TMEM135: variants seen among roughly 807,000 people sequenced by gnomAD.
The protein encoded by TMEM135 is peroxisomal membrane protein 52.
Under a neutral mutation model 60.3 loss-of-function variants are expected in TMEM135, and 30 were observed. That is an observed-to-expected ratio of 0.50 (90% CI 0.37 to 0.68). The LOEUF (loss-of-function observed/expected upper bound fraction) is 0.68. Ranked by LOEUF, TMEM135 falls within the 30% of genes least tolerant of loss-of-function variation. The pLI is 0.00. For synonymous variants in TMEM135, 190 were observed against 186.7 expected (o/e 1.02, Z -0.14); for missense variants, 468 against 548.8 (o/e 0.85, Z 1.47).
intron 6 of TMEM135, among the ~76,000 whole-genome samples, chr11:87,261,252 A>G (rs1218152021): frequency 6.6e-6 from 1 of 151,800 alleles, no homozygotes. Context: ...CTCAGCGCCA[A>G]CCTCCTTTAA....
At chr11:87,095,531 C>T (rs971376959) in intron 4 of TMEM135, 6 of 197,684 alleles carry the variant, frequency 3.0e-5, no homozygotes, top group Non-Finnish European at 6.6e-5. Context: ...TATATGGTAT[C>T]TGATACATTT....
rs369638331 is a variant in TMEM135 at position 87,195,391 on chromosome 11, T to TTC, written c.462+38003_462+38004dup. 9.1e-4 allele frequency among the ~76,000 whole-genome samples: 60 copies of TTC among 65,780 alleles called. 4 individuals carry two copies. The highest frequency in any genetic ancestry group is 3.4e-3 in the East Asian group (9 of 2,632). 43.2% of individuals were successfully genotyped at this position (65,780 alleles called of 152,430 possible). A position where few individuals can be genotyped will look rare whatever the true frequency, so the allele number is the denominator to read the frequency against. On this transcript the variant is annotated intron_variant, in intron 5 of 14. Coordinates refer to ENST00000305494, the MANE Select transcript of TMEM135 (RefSeq NM_022918.4). ...CTTCCTTCCTTCCTTCCTTCCTTCC[T>TTC]TCTCTCTCTCTCTCTCTCTGTTTCT... is the stretch of plus-strand genomic sequence containing the variant.
chr11:87,044,775 C>T (rs749323540), intron 1 of TMEM135, among the ~76,000 whole-genome samples: 9 of 151,838 alleles, frequency 5.9e-5, no homozygotes, highest in South Asian at 4.2e-4. Flanking sequence ...CTCAGCCTGC[C>T]GAGTAGCTGG....
At chr11:87,306,116 C>A in intron 9 of TMEM135, 111 bp downstream of exon 9, 1 of 613,364 alleles carries the variant, frequency 1.6e-6, no homozygotes, top group Non-Finnish European at 2.5e-6. Flanking sequence ...TTAATAAATG[C>A]TATCATTCTT....
intron 4 of TMEM135, among the ~76,000 whole-genome samples, chr11:87,136,270 T>C (rs1938096382): frequency 6.6e-6 from 1 of 152,074 alleles, no homozygotes; most frequent in Non-Finnish European, 1.5e-5. Context: ...TCTGTATCTA[T>C]AGAGATGAAC....
At chr11:87,145,243 C>A (rs1938381932) in intron 4 of TMEM135, among the ~76,000 whole-genome samples, 1 of 152,138 alleles carries the variant, frequency 6.6e-6, no homozygotes, top group Non-Finnish European at 1.5e-5. Context: ...TCCATGTTGT[C>A]TCAAATGACA....
At chr11:87,148,305 A>C (rs76071004) in intron 4 of TMEM135, among the ~76,000 whole-genome samples, 2,601 of 152,326 alleles carry the variant, frequency 0.017, 67 homozygotes, top group East Asian at 0.075. Flanking sequence ...GCAGAGGTCA[A>C]AAGAAAGTTG....
intron 5 of TMEM135, among the ~76,000 whole-genome samples, chr11:87,177,344 G>C (rs912978168): frequency 6.6e-6 from 1 of 152,030 alleles, no homozygotes; most frequent in Non-Finnish European, 1.5e-5. Flanking sequence ...TTCATTTCTT[G>C]TTATTTTTTC....
intron 5 of TMEM135, among the ~76,000 whole-genome samples, chr11:87,175,289 A>G (rs1259299630): frequency 1.3e-5 from 2 of 152,216 alleles, no homozygotes; most frequent in East Asian, 1.9e-4. Context: ...TTTCTGGAAT[A>G]TTTTATCCTT....
intron 5 of TMEM135, among the ~76,000 whole-genome samples, chr11:87,171,066 G>C (rs1939224096): frequency 6.6e-6 from 1 of 152,126 alleles, no homozygotes; most frequent in South Asian, 2.1e-4. Context: ...GAGGCCAAAA[G>C]GCTTTGCCAG....
chr11:87,178,468 C>G, intron 5 of TMEM135: 1 of 456,188 alleles, frequency 2.2e-6, no homozygotes, highest in Non-Finnish European at 4.4e-6. Context: ...TGGAGTCTCA[C>G]TGTCTTCCCC....
At position 87,321,470 on chromosome 11, in the gene TMEM135, C is replaced by T; in HGVS notation, c.*137C>T. The T allele has an allele frequency of 9.9e-7, 1 of 1,005,486 alleles. No homozygotes were observed. The highest frequency in any genetic ancestry group is 1.3e-5 in the South Asian group (1 of 74,760). 62.3% of individuals were successfully genotyped at this position (1,005,486 alleles called of 1,614,324 possible). A position where few individuals can be genotyped will look rare whatever the true frequency, so the allele number is the denominator to read the frequency against. On this transcript the variant is annotated 3_prime_UTR_variant, in exon 15 of 15. Transcript: ENST00000305494. ...TACTCTTTTCATTTGTTTTGTTTTT[C>T]TTATGAATCAGAAATTCAGAAGCTT...
At chr11:87,059,897 C>T (rs1318458760) in intron 1 of TMEM135, among the ~76,000 whole-genome samples, 6 of 152,178 alleles carry the variant, frequency 3.9e-5, no homozygotes, top group Admixed American at 3.3e-4. Context: ...AGACAGATCA[C>T]GAGGTCAGGA....
chr11:87,051,109 T>A lies in TMEM135; in HGVS notation c.141+12923T>A, dbSNP rs1180610273. ...ATGCAGAAAAAACCTTTGACAAAAT[T>A]CAACAACCCTTCATGCTAAAAACTC... On this transcript the variant is annotated intron_variant, in intron 1 of 14. Coordinates refer to ENST00000305494, the MANE Select transcript of TMEM135 (RefSeq NM_022918.4). Among the ~76,000 whole-genome samples the A allele has an allele frequency of 7.1e-4, 58 of 81,666 alleles. 15 individuals are homozygous for A. The highest frequency in any genetic ancestry group is 4.2e-3 in the African/African-American group (56 of 13,348). 53.6% of individuals were successfully genotyped at this position (81,666 alleles called of 152,430 possible).
At chr11:87,041,283 ATTTT>A (rs36088444) in intron 1 of TMEM135, among the ~76,000 whole-genome samples, 1 of 145,630 alleles carries the variant, frequency 6.9e-6, no homozygotes. Flanking sequence ...TTCGGTTCTC[ATTTT>A]TTTTTTTTTT....
chr11:87,219,189 A>G (rs1410595029), intron 5 of TMEM135, among the ~76,000 whole-genome samples: 2 of 152,214 alleles, frequency 1.3e-5, no homozygotes, highest in African/African-American at 4.8e-5. Context: ...GAAATTATCA[A>G]TACTGAGAAT....
intron 6 of TMEM135, among the ~76,000 whole-genome samples, chr11:87,248,442 C>G (rs1024779433): frequency 6.6e-6 from 1 of 152,160 alleles, no homozygotes; most frequent in South Asian, 2.1e-4. Flanking sequence ...TTGCATTTCT[C>G]TGATGATCAG....
chr11:87,170,289 A>G (rs1457413414), intron 5 of TMEM135, among the ~76,000 whole-genome samples: 1 of 151,158 alleles, frequency 6.6e-6, no homozygotes, highest in Admixed American at 6.6e-5. Context: ...TATTTCTGTC[A>G]TTCCTCAAAC....
In TMEM135 at chr11:87,236,596, T is replaced by G. The variant is rs114745031; in HGVS notation, c.463-42T>G. ...TTTATGAGTCACTCAAATGGTGATGTCAGTGTTCTTTTGCAAGTAATATAT... is the reference window on the plus strand; with the variant it reads ...TTTATGAGTCACTCAAATGGTGATGGCAGTGTTCTTTTGCAAGTAATATAT... On this transcript the variant is annotated intron_variant, in intron 5 of 14. Coordinates refer to ENST00000305494, the MANE Select transcript of TMEM135 (RefSeq NM_022918.4). The G allele has an allele frequency of 8.2e-4, 1,286 of 1,577,488 alleles. 16 individuals are homozygous for G. The African/African-American group carries it at 0.015, about 19-fold the overall frequency.
Sources: allele counts gnomAD v4.1 joint callset (sites outside exome capture counted in the v4.1 genomes callset), GRCh38; gene constraint gnomAD v4.1.1; transcripts MANE v1.5; gene names NCBI Gene and HGNC (gene_info 2026-07-23, HGNC 2026-07-21).